Variants in MTHFD1L observed in about 807,000 individuals in gnomAD.
MTHFD1L encodes monofunctional C1-tetrahydrofolate synthase, mitochondrial.
In MTHFD1L, 81 loss-of-function variants were observed where a neutral mutation model predicts 119.5. The observed-to-expected ratio is 0.68, with a 90% CI of 0.57 to 0.82. The LOEUF is 0.82. Among genes scored for constraint, MTHFD1L ranks in the 40% least tolerant of loss-of-function variants. MTHFD1L has a pLI of 0.00. For missense variants in MTHFD1L, 1,125 were observed against 1,253.4 expected (o/e 0.90, Z 1.55); for synonymous variants, 430 against 475.2 (o/e 0.90, Z 1.24).
At chr6:150,978,200 CT>C (rs144411663) in intron 20 of MTHFD1L, among the ~76,000 whole-genome samples, 32 of 148,668 alleles carry the variant, frequency 2.2e-4, no homozygotes, top group South Asian at 6.4e-4. Flanking sequence ...ACCTGGCCAC[CT>C]TTTTTTTTTA....
rs556461888 is a variant in MTHFD1L at position 150,978,171 on chromosome 6, T to A, written c.2125+6113T>A. 6.6e-5 allele frequency among the ~76,000 whole-genome samples: 10 copies of A among 152,124 alleles called. No individual in the cohort carries two copies. The South Asian group carries it at 2.1e-3, about 32-fold the overall frequency. Reference sequence around the variant, plus strand: ...CCTCGGCCTCCCAAAGTGCTAGGATTACAGGTGTGAGCTGCCGCACCTGGC... The same window carrying A: ...CCTCGGCCTCCCAAAGTGCTAGGATAACAGGTGTGAGCTGCCGCACCTGGC... On this transcript the variant is annotated intron_variant, in intron 20 of 27. Transcript: ENST00000367321.
At chr6:151,087,411 G>A (rs1225105731) in intron 26 of MTHFD1L, among the ~76,000 whole-genome samples, 2 of 152,120 alleles carry the variant, frequency 1.3e-5, no homozygotes. Flanking sequence ...TAGAAGGACT[G>A]TCTTCTGCTT....
At chr6:150,871,119 AATATATATCTTAAT>A in intron 1 of MTHFD1L, among the ~76,000 whole-genome samples, 1 of 143,526 alleles carries the variant, frequency 7.0e-6, no homozygotes, top group East Asian at 2.0e-4. Context: ...AATATATATT[AATATATATCTTAAT>A]ATATATATAT....
intron 24 of MTHFD1L, among the ~76,000 whole-genome samples, chr6:151,031,890 A>G (rs1200141282): frequency 2.0e-5 from 3 of 152,024 alleles, no homozygotes; most frequent in Non-Finnish European, 4.4e-5. Context: ...ATATAATTTT[A>G]TTTCTCTCCA....
chr6:151,037,528 T>C (rs1163878956), intron 26 of MTHFD1L, among the ~76,000 whole-genome samples: 1 of 152,116 alleles, frequency 6.6e-6, no homozygotes, highest in Non-Finnish European at 1.5e-5. Flanking sequence ...CCCCAAGGGC[T>C]GGGGAAAGCA....
chr6:151,055,523 T>G (rs1789763884), intron 26 of MTHFD1L, among the ~76,000 whole-genome samples: 1 of 147,528 alleles, frequency 6.8e-6, no homozygotes, highest in East Asian at 1.9e-4. Context: ...TGCTGAATCT[T>G]TTTTTTTTTT....
chr6:150,887,804 G>A (rs1368257063), intron 6 of MTHFD1L, 41 bp from the exon 7 acceptor site: 1 of 1,541,272 alleles, frequency 6.5e-7, no homozygotes, highest in South Asian at 1.3e-5. Flanking sequence ...GGAAGGATCT[G>A]AAGTTTTGAG....
intron 7 of MTHFD1L, among the ~76,000 whole-genome samples, chr6:150,897,279 T>C (rs1489807409): frequency 6.6e-6 from 1 of 152,224 alleles, no homozygotes; most frequent in Non-Finnish European, 1.5e-5. Context: ...TCTCCAGTTT[T>C]CCCAACATTA....
rs762586178 is a variant in MTHFD1L at position 150,971,967 on chromosome 6, T to A, written c.2034T>A (p.His678Gln). ...QTLEGTPVFV[H>Q]AGPFANIAHG... is the part of the protein sequence containing the mutation. The stretch of plus-strand genomic sequence containing the variant: ...TCTAGGGGACACCTGTGTTCGTGCA[T>A]GCGGGCCCTTTTGCTAACATTGCTC... Residue 678 changes from histidine (H) to glutamine (Q), a missense_variant, in exon 20 of 28, where the codon CAT becomes CAA. Physicochemically the swap from His to Gln is conservative, Grantham distance 24 (BLOSUM62 0). Transcript: ENST00000367321. The A allele has an allele frequency of 1.2e-6, 2 of 1,614,080 alleles. No homozygotes were observed. The highest frequency in any genetic ancestry group is 1.7e-6 in the Non-Finnish European group (2 of 1,180,018).
At chr6:150,894,820 C>T (rs1783950107) in intron 7 of MTHFD1L, among the ~76,000 whole-genome samples, 1 of 152,326 alleles carries the variant, frequency 6.6e-6, no homozygotes, top group East Asian at 1.9e-4. Context: ...AATTGACCTT[C>T]TTAGGGTTCC....
At chr6:150,916,119 A>G (rs117406004) in intron 8 of MTHFD1L, among the ~76,000 whole-genome samples, 5,057 of 152,262 alleles carry the variant, frequency 0.033, 117 homozygotes, top group Middle Eastern at 0.058. Flanking sequence ...TGATTACCCA[A>G]CACCCTAATA....
chr6:151,037,012 A>C lies in MTHFD1L; in HGVS notation c.2742A>C (p.Leu914=). 3.7e-6 allele frequency: 6 copies of C among 1,611,934 alleles called. No individual in the cohort carries two copies. Among genetic ancestry groups the C allele is most frequent in the Non-Finnish European group, 5.1e-6 (6 of 1,179,846 alleles). Residue 914 remains leucine (L), a synonymous_variant, in exon 26 of 28, where the codon CTA becomes CTC. Coordinates refer to ENST00000367321, the MANE Select transcript of MTHFD1L (RefSeq NM_015440.5). ...PICMAKTHLS[L]SHQPDKKGVP... is the part of the protein sequence containing the mutation. ...GCATGGCAAAGACCCACCTTTCTCT[A>C]TCTCACCAACCTGACAAAAAAGGTG...
chr6:151,023,998 G>A (rs915052775), intron 24 of MTHFD1L, among the ~76,000 whole-genome samples: 5 of 152,030 alleles, frequency 3.3e-5, no homozygotes, highest in South Asian at 2.1e-4. Context: ...GGTACCACAC[G>A]TAATGGACCA....
intron 24 of MTHFD1L, among the ~76,000 whole-genome samples, chr6:151,017,393 C>T (rs1160084364): frequency 1.3e-5 from 2 of 151,688 alleles, no homozygotes; most frequent in African/African-American, 2.4e-5. Context: ...GTTGCCCGGG[C>T]TGGAGTGCAG....
At chr6:151,101,182 T>A (rs1021496882) in intron 27 of MTHFD1L, among the ~76,000 whole-genome samples, 78 of 151,942 alleles carry the variant, frequency 5.1e-4, no homozygotes, top group African/African-American at 1.8e-3. Context: ...AAAATTTTTT[T>A]AAATCCTAAA....
chr6:150,879,624 G>A (rs1287389999), intron 4 of MTHFD1L, among the ~76,000 whole-genome samples: 4 of 107,898 alleles, frequency 3.7e-5, no homozygotes, highest in Non-Finnish European at 7.3e-5. Flanking sequence ...TGCCACTGGT[G>A]TTTTTTTTTT....
intron 1 of MTHFD1L, among the ~76,000 whole-genome samples, chr6:150,868,497 G>T (rs1259766261): frequency 6.6e-6 from 1 of 151,670 alleles, no homozygotes; most frequent in East Asian, 2.0e-4. Context: ...GCACTACCAC[G>T]CCTGGCTTAT....
At chr6:151,051,527 G>A (rs1318791224) in intron 26 of MTHFD1L, among the ~76,000 whole-genome samples, 1 of 152,148 alleles carries the variant, frequency 6.6e-6, no homozygotes, top group Non-Finnish European at 1.5e-5. Context: ...CTTTGCGCAG[G>A]AATAACTGGA....
chr6:150,931,950 T>G (rs919778345), intron 11 of MTHFD1L, among the ~76,000 whole-genome samples: 1 of 151,638 alleles, frequency 6.6e-6, no homozygotes, highest in Non-Finnish European at 1.5e-5. Context: ...TCATTTGAGG[T>G]CAGGAGTTCG....
Sources: gnomAD v4.1 joint callset for allele counts (sites outside exome capture counted in the v4.1 genomes callset) on GRCh38, gnomAD v4.1.1 for gene constraint, MANE v1.5 for transcripts, NCBI Gene and HGNC (gene_info 2026-07-23, HGNC 2026-07-21) for gene names.